SNTG2: variants seen among roughly 807,000 people sequenced by gnomAD.
The protein encoded by SNTG2 is gamma-2-syntrophin.
SNTG2 carries 74 observed loss-of-function variants against 70.9 expected under a neutral mutation model. The ratio of observed to expected loss-of-function variants is 1.04; its 90% confidence interval spans 0.86 to 1.27. The LOEUF (loss-of-function observed/expected upper bound fraction) is 1.27, where lower values mean the gene tolerates loss of function less well. Among genes scored for constraint, SNTG2 ranks in the 50% most tolerant of loss-of-function variants. SNTG2 has a pLI of 0.00. For missense variants in SNTG2, 717 were observed against 690.7 expected, an observed-to-expected ratio of 1.04 and a Z score of -0.43; for synonymous variants, 278 against 273.8, an observed-to-expected ratio of 1.02 and a Z score of -0.15.
chr2:1,066,951 G>A (rs1489107831), intron 1 of SNTG2, among the ~76,000 whole-genome samples: 4 of 152,064 alleles, frequency 2.6e-5, no homozygotes, highest in South Asian at 4.2e-4. Flanking sequence ...GCAAAACTTC[G>A]TGACCCAGCA....
Position 1,334,745 on chromosome 2 carries a change from C to T in SNTG2, c.1488+18370C>T, listed in dbSNP as rs867916120. ...ATAAATGGGAGCTAAGTGATGAGGA[C>T]GCAAAGGCATACAAATGATACAATG... On this transcript the variant is annotated intron_variant, in intron 16 of 16. Transcript: ENST00000308624. Among the ~76,000 whole-genome samples, 125 of 151,854 alleles carry T rather than the reference C, an allele frequency of 8.2e-4. 1 individual carries two copies. The highest frequency in any genetic ancestry group is 2.8e-3 in the African/African-American group (115 of 41,296).
intron 4 of SNTG2, among the ~76,000 whole-genome samples, chr2:1,113,535 G>T (rs1299375661): frequency 6.6e-6 from 1 of 151,436 alleles, no homozygotes; most frequent in Non-Finnish European, 1.5e-5. Flanking sequence ...GTGTACTGAG[G>T]TTTAACCCTT....
intron 1 of SNTG2, among the ~76,000 whole-genome samples, chr2:956,221 C>T (rs1337288645): frequency 8.4e-5 from 9 of 106,628 alleles, no homozygotes; most frequent in African/African-American, 3.2e-4. Flanking sequence ...GCCCCTGCCC[C>T]GCCCCTGCCC....
At position 1,267,437 on chromosome 2, in the gene SNTG2, C is replaced by G; in HGVS notation, c.1150C>G (p.Gln384Glu). The change falls in exon 14 of 17, where the codon CAG becomes GAG. Residue 384 changes from glutamine to glutamate, a missense_variant. Transcript: ENST00000308624. ...TCTTCAAGATTTTGACTTTGAGGAC[C>G]AGAGGCCCTATTGCTTCAGCATCGT... ...LGLQDFDFED[Q>E]RPYCFSIVAG... is the part of the protein sequence containing the mutation. 6.2e-7 allele frequency: 1 copy of G among 1,612,900 alleles called. No homozygotes were observed. Among genetic ancestry groups the G allele is most frequent in the Non-Finnish European group, 8.5e-7 (1 of 1,179,466 alleles).
intron 8 of SNTG2, among the ~76,000 whole-genome samples, chr2:1,181,026 A>T (rs375492513): frequency 6.6e-6 from 1 of 152,062 alleles, no homozygotes; most frequent in African/African-American, 2.4e-5. Context: ...ATGAGAACAC[A>T]TGGACACAGG....
intron 1 of SNTG2, among the ~76,000 whole-genome samples, chr2:1,080,191 T>C (rs571867558): frequency 6.6e-6 from 1 of 152,304 alleles, no homozygotes; most frequent in East Asian, 1.9e-4. Flanking sequence ...CATCGGTCAC[T>C]GGGGGATCTG....
intron 15 of SNTG2, among the ~76,000 whole-genome samples, chr2:1,310,542 A>G (rs981113398): frequency 1.3e-5 from 2 of 152,120 alleles, no homozygotes; most frequent in African/African-American, 2.4e-5. Flanking sequence ...TGGAGTGGCC[A>G]TGGGGTTCCT....
At position 1,158,503 on chromosome 2, in the gene SNTG2, G is replaced by A. The variant is rs1044293205; in HGVS notation, c.412-7045G>A. On this transcript the variant is annotated intron_variant, in intron 6 of 16. Coordinates refer to ENST00000308624, the MANE Select transcript of SNTG2 (RefSeq NM_018968.4). ...GCTTAGCTTCTGTAAAAGAGAAGAA[G>A]TGAGAAAGAAAGAAGAATATTCATG... is the stretch of plus-strand genomic sequence containing the variant. 2.0e-5 allele frequency: 3 copies of A among 148,628 alleles called. No individual in the cohort carries two copies. The East Asian group carries it at 5.9e-4, about 29-fold the overall frequency. The allele number at this position is 148,628 out of a possible 1,614,324, so 9.2% of individuals were successfully genotyped here.
rs143477503 is a variant in SNTG2, at chr2:1,043,670, G to T, written c.73-39848G>T. ...CCCAGCACGATTTACTGAATAGGAA[G>T]TTCTTTACCCATTGCTTGTTACTGT... On this transcript the variant is annotated intron_variant, in intron 1 of 16. Coordinates refer to ENST00000308624, the MANE Select transcript of SNTG2 (RefSeq NM_018968.4). Among the ~76,000 whole-genome samples, 292 of 152,238 alleles carry T rather than the reference G, an allele frequency of 1.9e-3. 1 individual carries two copies. The highest frequency in any genetic ancestry group is 6.5e-3 in the African/African-American group (272 of 41,546).
chr2:1,154,327 C>T (rs1280894772), intron 6 of SNTG2, among the ~76,000 whole-genome samples: 1 of 152,224 alleles, frequency 6.6e-6, no homozygotes. Context: ...AGTTGTGCTG[C>T]CTGTCCTTCC....
chr2:1,250,453 GTC>G (rs1316077512), intron 12 of SNTG2, among the ~76,000 whole-genome samples: 1 of 151,550 alleles, frequency 6.6e-6, no homozygotes, highest in Non-Finnish European at 1.5e-5. Flanking sequence ...CACTGTCTTT[GTC>G]TCTCTCTGTC....
intron 2 of SNTG2, among the ~76,000 whole-genome samples, chr2:1,086,127 G>A (rs966238049): frequency 6.6e-6 from 1 of 152,180 alleles, no homozygotes; most frequent in East Asian, 1.9e-4. Context: ...TGATAAGTTA[G>A]TGAAGACCAC....
intron 6 of SNTG2, chr2:1,159,339 A>AT (rs1236535681): frequency 6.9e-4 from 105 of 151,894 alleles, no homozygotes; most frequent in African/African-American, 2.2e-3. Flanking sequence ...ATAAACTCAC[A>AT]TTTTTTTTCC....
rs149648256 is a variant in SNTG2, at chr2:1,337,598, C to G, written c.1488+21223C>G. Among the ~76,000 whole-genome samples, 12 of 152,236 alleles carry G rather than the reference C, an allele frequency of 7.9e-5. No individual in the cohort carries two copies. The East Asian group carries it at 2.3e-3, about 29-fold the overall frequency. Reference sequence around the variant, plus strand: ...AATATTCTAGATATTAGCTCCTTATCAAATGTGTGATTTGCGGATGTCTTC... The same window carrying G: ...AATATTCTAGATATTAGCTCCTTATGAAATGTGTGATTTGCGGATGTCTTC... On this transcript the variant is annotated intron_variant, in intron 16 of 16. Transcript: ENST00000308624.
chr2:1,251,295 CAT>C (rs35944086), intron 12 of SNTG2, among the ~76,000 whole-genome samples: 29,431 of 152,110 alleles, frequency 0.19, 3,684 homozygotes, highest in African/African-American at 0.34. Flanking sequence ...CTCAAGTAAG[CAT>C]AGTTTCATAA....
At chr2:1,015,708 T>C (rs1256145314) in intron 1 of SNTG2, among the ~76,000 whole-genome samples, 1 of 152,208 alleles carries the variant, frequency 6.6e-6, no homozygotes, top group Non-Finnish European at 1.5e-5. Context: ...GTTTAGTGGA[T>C]TGCCAGAAAC....
At chr2:1,272,463 T>TA (rs577563977) in intron 14 of SNTG2, among the ~76,000 whole-genome samples, 4,060 of 51,804 alleles carry the variant, frequency 0.078, 270 homozygotes, top group Middle Eastern at 0.16. Context: ...CTGGTACTGG[T>TA]AAAAAAAAAA....
At chr2:1,224,981 T>A (rs1675675063) in intron 9 of SNTG2, among the ~76,000 whole-genome samples, 1 of 152,236 alleles carries the variant, frequency 6.6e-6, no homozygotes, top group Non-Finnish European at 1.5e-5. Context: ...AACATTGAGC[T>A]GTGTAAGCAG....
chr2:959,528 G>A (rs1171554338), intron 1 of SNTG2, among the ~76,000 whole-genome samples: 2 of 151,994 alleles, frequency 1.3e-5, no homozygotes, highest in African/African-American at 4.8e-5. Flanking sequence ...CCAGGGTTCA[G>A]CTGTGCTAGG....
Sources: allele counts gnomAD v4.1 joint callset (sites outside exome capture counted in the v4.1 genomes callset), GRCh38; gene constraint gnomAD v4.1.1; transcripts MANE v1.5; gene names NCBI Gene and HGNC (gene_info 2026-07-23, HGNC 2026-07-21).